KTN1: variants seen among roughly 807,000 people sequenced by gnomAD.
KTN1 encodes the protein kinectin 1.
Under a neutral mutation model 222.5 loss-of-function variants are expected in KTN1, and 130 were observed. That is an observed-to-expected ratio of 0.58 (90% confidence interval 0.51 to 0.68). The LOEUF is 0.68. KTN1 is among the 30% of genes least tolerant of loss of function. KTN1 has a pLI of 0.00. For missense variants in KTN1, 1,508 were observed against 1,500.4 expected (o/e 1.01, Z -0.08); for synonymous variants, 512 against 496.3 (o/e 1.03, Z -0.42).
At position 55,677,989 on chromosome 14, in the gene KTN1, C is replaced by T. The variant is rs114253739; in HGVS notation, c.3856-363C>T. On this transcript the variant is annotated intron_variant, in intron 41 of 43. Coordinates refer to ENST00000395314, the MANE Select transcript of KTN1 (RefSeq NM_001079521.2). ...CTAGGATTACAGGCGTGAGCCACCG[C>T]GCCCAGCAACATGGCCCTTTAAAAA... Among the ~76,000 whole-genome samples the T allele has an allele frequency of 6.5e-3, 997 of 152,322 alleles. 10 individuals carry two copies. Among genetic ancestry groups the T allele is most frequent in the African/African-American group, 0.022 (927 of 41,584 alleles).
rs1025991796 is a variant in KTN1 at position 55,684,307 on chromosome 14, A to G, written c.*204A>G. On this transcript the variant is annotated 3_prime_UTR_variant, in exon 44 of 44. Coordinates refer to ENST00000395314, the MANE Select transcript of KTN1 (RefSeq NM_001079521.2). ...GTAGACACCTTCAGAGTTTAGTTTT[A>G]TAATAAAAACTGTTTGAATAATTAG... The G allele has an allele frequency of 9.4e-6, 4 of 424,972 alleles. No individual in the cohort carries two copies. The highest frequency in any genetic ancestry group is 2.0e-5 in the African/African-American group (1 of 48,796). The allele number at this position is 424,972 out of a possible 1,614,324, so 26.3% of individuals were successfully genotyped here.
rs746061547 is a variant in KTN1 at position 55,633,247 on chromosome 14, C to A, written c.1234C>A (p.Arg412Ser). 2 of 1,576,004 alleles carry A rather than the reference C, an allele frequency of 1.3e-6. No individual in the cohort carries two copies. Among genetic ancestry groups the A allele is most frequent in the Non-Finnish European group, 1.7e-6 (2 of 1,161,018 alleles). The change falls in exon 8 of 44, where the codon CGT becomes AGT. Residue 412 changes from arginine (R) to serine (S), a missense_variant. Transcript: ENST00000395314. Reference sequence around the variant, plus strand: ...AAAATAATTTTAGTTTCAGCAAGTTCGTGAGCAGATGGAGGCAGAGATAGC... The same window carrying A: ...AAAATAATTTTAGTTTCAGCAAGTTAGTGAGCAGATGGAGGCAGAGATAGC... Reference protein sequence around the residue: ...QQMQMKFQQVREQMEAEIAHL... With the variant: ...QQMQMKFQQVSEQMEAEIAHL...
intron 1 of KTN1, among the ~76,000 whole-genome samples, chr14:55,598,223 C>T (rs890381136): frequency 1.3e-5 from 2 of 152,086 alleles, no homozygotes; most frequent in Non-Finnish European, 2.9e-5. Flanking sequence ...ATCACGAGGT[C>T]AGGAGATTGA....
At chr14:55,639,048 A>G (rs2041465909) in intron 12 of KTN1, 137 bp from the exon 13 acceptor site, 3 of 566,346 alleles carry the variant, frequency 5.3e-6, no homozygotes, top group African/African-American at 1.9e-5. Context: ...TTTATTGAAC[A>G]CTTACCATGG....
rs762517067 is a variant in KTN1, at chr14:55,617,952, C to T, written c.662-12C>T. 4.5e-6 allele frequency: 7 copies of T among 1,543,484 alleles called. No homozygotes were observed. The highest frequency in any genetic ancestry group is 6.1e-6 in the Non-Finnish European group (7 of 1,144,350). Reference sequence around the variant, plus strand: ...AAATTCTAATTATGATTTTGTTGAACTTAAATTGCAGTCTTCGTAGATGAA... The same window carrying T: ...AAATTCTAATTATGATTTTGTTGAATTTAAATTGCAGTCTTCGTAGATGAA... On this transcript the variant is annotated splice_polypyrimidine_tract_variant and intron_variant, in intron 3 of 43. Transcript: ENST00000395314.
At position 55,616,639 on chromosome 14, in the gene KTN1, CA is replaced by C; in HGVS notation, c.650del (p.Lys217ArgfsTer7). 1 of 1,592,778 alleles carries C rather than the reference CA, an allele frequency of 6.3e-7. No homozygotes were observed. Among genetic ancestry groups the C allele is most frequent in the Non-Finnish European group, 8.5e-7 (1 of 1,174,638 alleles). On this transcript the variant is annotated frameshift_variant, in exon 3 of 44. Transcript: ENST00000395314. LOFTEE classifies it high-confidence loss of function. The stretch of plus-strand genomic sequence containing the variant: ...GAAGAAGAAAGCTTCATCAAAGAAA[CA>C]AAAGACAGAAAATGGTGAGATGTTT... ...SGKKKASSKK[Q>X]KTENVFVDEP...
chr14:55,642,025 A>C (rs573291295), intron 18 of KTN1, among the ~76,000 whole-genome samples: 1 of 152,184 alleles, frequency 6.6e-6, no homozygotes, highest in Admixed American at 6.5e-5. Context: ...ATTTTGATAC[A>C]TTTGACTTTC....
At chr14:55,598,449 A>AT (rs1450873862) in intron 1 of KTN1, among the ~76,000 whole-genome samples, 11 of 151,754 alleles carry the variant, frequency 7.2e-5, no homozygotes, top group South Asian at 2.1e-4. Context: ...AAAAAAAAAA[A>AT]AAGAATATTG....
At chr14:55,633,960 G>GAAACCCCATCTCTACT (rs1387437424) in intron 8 of KTN1, among the ~76,000 whole-genome samples, 1 of 152,092 alleles carries the variant, frequency 6.6e-6, no homozygotes, top group Non-Finnish European at 1.5e-5. Flanking sequence ...CCAACGTGGT[G>GAAACCCCATCTCTACT]AAACCCCTGT....
In KTN1 at chr14:55,612,061, G is replaced by A. The variant is rs2037659504; in HGVS notation, c.13G>A (p.Glu5Lys). Residue 5 changes from glutamate to lysine, a missense_variant, in exon 2 of 44, where the codon GAG becomes AAG. Glu to Lys is a moderately conservative substitution (Grantham distance 56). Coordinates refer to ENST00000395314, the MANE Select transcript of KTN1 (RefSeq NM_001079521.2). ...TGACAAAAGTACCATGGAGTTTTAT[G>A]AGTCAGCATATTTTATTGTTCTTAT... MEFY[E>K]SAYFIVLIPS... The A allele has an allele frequency of 6.9e-7, 1 of 1,455,930 alleles. No individual in the cohort carries two copies. Among genetic ancestry groups the A allele is most frequent in the Non-Finnish European group, 9.1e-7 (1 of 1,103,564 alleles). 90.2% of individuals were successfully genotyped at this position (1,455,930 alleles called of 1,614,324 possible). A position where few individuals can be genotyped will look rare whatever the true frequency, so the allele number is the denominator to read the frequency against.
rs752855946 is a variant in KTN1, at chr14:55,679,654, C to T, written c.4038C>T (p.Leu1346=). The T allele has an allele frequency of 1.1e-5, 18 of 1,613,704 alleles. No homozygotes were observed. Among genetic ancestry groups the T allele is most frequent in the Non-Finnish European group, 1.5e-5 (18 of 1,179,814 alleles). The change falls in exon 43 of 44, where the codon CTC becomes CTT. Residue 1346 remains leucine (L), a synonymous_variant. Coordinates refer to ENST00000395314, the MANE Select transcript of KTN1 (RefSeq NM_001079521.2). ...QQLLQAVNQQ[L]TKEKEHYQVL... is the part of the protein sequence containing the mutation. ...TGCTTCAGGCGGTAAACCAACAGCT[C>T]ACAAAGGAGAAAGAGCACTACCAGG...
chr14:55,649,668 C>T, intron 21 of KTN1, 108 bp from the exon 22 acceptor site: 1 of 668,376 alleles, frequency 1.5e-6, no homozygotes, highest in Non-Finnish European at 2.5e-6. Context: ...GGGCTTTTCC[C>T]ATTTGGATTT....
rs540272481 is a variant in KTN1, at chr14:55,643,227, T to G, written c.2172+1467T>G. ...GCCCAGCTAAGGCTTATTTTTGTCT[T>G]ATTTCCTTTTCTGGTATAGCTTACA... On this transcript the variant is annotated intron_variant, in intron 18 of 43. Transcript: ENST00000395314. 2.6e-5 allele frequency among the ~76,000 whole-genome samples: 4 copies of G among 152,284 alleles called. No homozygotes were observed. In the East Asian group the frequency reaches 7.7e-4, roughly 29 times the overall value.
At chr14:55,602,541 T>G (rs1348343534) in intron 1 of KTN1, among the ~76,000 whole-genome samples, 1 of 152,132 alleles carries the variant, frequency 6.6e-6, no homozygotes, top group African/African-American at 2.4e-5. Context: ...GAATGAAAAC[T>G]ACAGCAATAA....
intron 25 of KTN1, 114 bp from the exon 26 acceptor site, chr14:55,652,736 C>T (rs17684959): frequency 0.36 from 238,399 of 662,946 alleles, 43,425 homozygotes; most frequent in Middle Eastern, 0.4. Context: ...TAGTTTAGTT[C>T]AATCAGCTGG....
Position 55,634,645 on chromosome 14 carries a change from C to T in KTN1, c.1448C>T (p.Ala483Val). ...CAAAAGAAGAATGCTGAGCAAGCAG[C>T]TACTCAGTTGAAGGTGATATATTCT... Reference protein sequence around the residue: ...EVQKKNAEQAATQLKVQLQEA... With the variant: ...EVQKKNAEQAVTQLKVQLQEA... The change falls in exon 9 of 44, where the codon GCT becomes GTT. Residue 483 changes from alanine to valine, a missense_variant. Ala to Val is a moderately conservative substitution (Grantham distance 64). Coordinates refer to ENST00000395314, the MANE Select transcript of KTN1 (RefSeq NM_001079521.2). The T allele has an allele frequency of 6.2e-7, 1 of 1,612,580 alleles. No homozygotes were observed. Among genetic ancestry groups the T allele is most frequent in the Non-Finnish European group, 8.5e-7 (1 of 1,179,372 alleles).
chr14:55,591,780 T>A (rs1390585081), intron 1 of KTN1, among the ~76,000 whole-genome samples: 1 of 152,040 alleles, frequency 6.6e-6, no homozygotes, highest in Non-Finnish European at 1.5e-5. Flanking sequence ...TTCTCCATGT[T>A]GCTCAGGCTG....
Position 55,639,192 on chromosome 14 carries a change from C to T in KTN1, c.1793C>T (p.Ala598Val). Residue 598 changes from alanine (A) to valine (V), a missense_variant, in exon 13 of 44, where the codon GCT becomes GTT. Coordinates refer to ENST00000395314, the MANE Select transcript of KTN1 (RefSeq NM_001079521.2). Reference sequence around the variant, plus strand: ...ACTATTTTTCTTTCTTAGACCTCCGCTTCAGTTCTAGCAGAAGAATTACAT... The same window carrying T: ...ACTATTTTTCTTTCTTAGACCTCCGTTTCAGTTCTAGCAGAAGAATTACAT... The part of the protein sequence containing the change: ...FHSQIAAQTS[A>V]SVLAEELHKV... The T allele has an allele frequency of 6.2e-7, 1 of 1,604,044 alleles. No individual in the cohort carries two copies.
At chr14:55,638,399 T>A (rs1416069895) in intron 12 of KTN1, among the ~76,000 whole-genome samples, 1 of 151,904 alleles carries the variant, frequency 6.6e-6, no homozygotes, top group Non-Finnish European at 1.5e-5. Flanking sequence ...TAAAAACAAG[T>A]ATTGTGAATT....
Sources: allele counts gnomAD v4.1 joint callset (sites outside exome capture counted in the v4.1 genomes callset), GRCh38; gene constraint gnomAD v4.1.1; transcripts MANE v1.5; gene names NCBI Gene and HGNC (gene_info 2026-07-23, HGNC 2026-07-21).